The following CRYL1 variants were observed in gnomAD, a reference collection of about 807,000 sequenced individuals.
CRYL1 encodes the protein lambda-crystallin homolog.
In CRYL1, 29 loss-of-function variants were observed where a neutral mutation model predicts 36.6. The observed-to-expected ratio is 0.79, with a 90% CI of 0.59 to 1.08. The LOEUF (loss-of-function observed/expected upper bound fraction) is 1.08. Among genes scored for constraint, CRYL1 ranks in the 50% least tolerant of loss-of-function variants. The probability of loss-of-function intolerance (pLI) is 0.00; values close to 1 mark genes in which losing one functional copy is unlikely to be tolerated. For missense variants in CRYL1, 411 were observed against 407.9 expected (o/e 1.01, Z -0.06); for synonymous variants, 152 against 151.5 (o/e 1.00, Z -0.02).
At position 20,415,465 on chromosome 13, in the gene CRYL1, G is replaced by A. The variant is rs961522905; in HGVS notation, c.634-2078C>T. ...CCGCCCTGCGTCTGCAGAGAGCGCGGCGGTGAAGCGGGAGCAGGCGGCCTG... is the reference window on the plus strand; with the variant it reads ...CCGCCCTGCGTCTGCAGAGAGCGCGACGGTGAAGCGGGAGCAGGCGGCCTG... On this transcript the variant is annotated intron_variant, in intron 5 of 7. Transcript: ENST00000298248. This position sits in a 1 kb window ranked among gnomAD's most constrained non-coding sequence, Gnocchi z 4.1. Among the ~76,000 whole-genome samples the A allele has an allele frequency of 2.6e-5, 4 of 152,206 alleles. No individual in the cohort carries two copies. Among genetic ancestry groups the A allele is most frequent in the Non-Finnish European group, 5.9e-5 (4 of 68,022 alleles).
At chr13:20,494,624 T>C (rs1360137884) in intron 2 of CRYL1, among the ~76,000 whole-genome samples, 3 of 152,226 alleles carry the variant, frequency 2.0e-5, no homozygotes, top group Non-Finnish European at 2.9e-5. Flanking sequence ...CTGTGCGTCT[T>C]CAAACCTTTC....
intron 5 of CRYL1, among the ~76,000 whole-genome samples, chr13:20,423,411 A>C (rs957324353): frequency 6.6e-6 from 1 of 152,162 alleles, no homozygotes; most frequent in Non-Finnish European, 1.5e-5. Context: ...GTCACGTATG[A>C]CCTTTATCGT....
intron 3 of CRYL1, among the ~76,000 whole-genome samples, chr13:20,460,738 A>C (rs552769143): frequency 6.6e-6 from 1 of 151,774 alleles, no homozygotes; most frequent in African/African-American, 2.4e-5. Flanking sequence ...TGTTAGCCAG[A>C]ATGGTCTCGA....
chr13:20,404,231 C>A lies in CRYL1; in HGVS notation c.858G>T (p.Met286Ile). ...AGTGCTCCGGGTCATCAGGGACCTT[C>A]ATGCACATGTCCTGCAAGAAGGAGA... ...TAEKVNQDMCMKVPDDPEHLA... is the reference protein window; with the variant it reads ...TAEKVNQDMCIKVPDDPEHLA... The change falls in exon 8 of 8, where the codon ATG (methionine) becomes ATT (isoleucine). Residue 286 changes from methionine (M) to isoleucine (I), a missense_variant. Transcript: ENST00000298248. The A allele has an allele frequency of 6.2e-7, 1 of 1,609,098 alleles. No homozygotes were observed. Among genetic ancestry groups the A allele is most frequent in the Non-Finnish European group, 8.5e-7 (1 of 1,175,644 alleles).
chr13:20,414,409 A>G (rs1323880034), intron 5 of CRYL1, among the ~76,000 whole-genome samples: 1 of 151,972 alleles, frequency 6.6e-6, no homozygotes, highest in Non-Finnish European at 1.5e-5. Context: ...AGGGAGTGAG[A>G]GAAGCTGACG....
At chr13:20,498,121 T>C (rs2033644569) in intron 2 of CRYL1, among the ~76,000 whole-genome samples, 1 of 148,260 alleles carries the variant, frequency 6.7e-6, no homozygotes, top group South Asian at 2.1e-4. Flanking sequence ...ACACACCCCA[T>C]ATACACAGTA....
At chr13:20,469,908 A>G (rs968519583) in intron 3 of CRYL1, among the ~76,000 whole-genome samples, 4 of 152,182 alleles carry the variant, frequency 2.6e-5, no homozygotes, top group African/African-American at 4.8e-5. Context: ...ATTATACCAA[A>G]TGGAATCTAA....
intron 3 of CRYL1, among the ~76,000 whole-genome samples, chr13:20,467,062 C>T (rs1331283132): frequency 6.6e-6 from 1 of 151,806 alleles, no homozygotes; most frequent in Non-Finnish European, 1.5e-5. Context: ...ATTCTCCTGC[C>T]TCAGCCTCCT....
intron 1 of CRYL1, among the ~76,000 whole-genome samples, chr13:20,517,347 C>T (rs546397164): frequency 2.0e-5 from 3 of 150,940 alleles, no homozygotes; most frequent in Non-Finnish European, 3.0e-5. Flanking sequence ...ACACCTGTAA[C>T]CCTTTGGGAG....
chr13:20,410,630 AAAC>A (rs1302590020), intron 6 of CRYL1, among the ~76,000 whole-genome samples: 2 of 152,236 alleles, frequency 1.3e-5, no homozygotes, highest in African/African-American at 4.8e-5. Flanking sequence ...ACCAAAAATA[AAAC>A]AACAACGAAA....
intron 4 of CRYL1, among the ~76,000 whole-genome samples, chr13:20,436,187 T>C (rs1322703171): frequency 6.6e-6 from 1 of 151,136 alleles, no homozygotes. Context: ...CACGCCCCAG[T>C]CTGCCAGCCG....
intron 2 of CRYL1, among the ~76,000 whole-genome samples, chr13:20,504,063 A>G (rs1393462571): frequency 6.6e-6 from 1 of 152,178 alleles, no homozygotes; most frequent in East Asian, 1.9e-4. Flanking sequence ...TGGCGATTTC[A>G]GATAGGGACT....
intron 3 of CRYL1, among the ~76,000 whole-genome samples, chr13:20,465,317 G>C (rs575359067): frequency 6.6e-6 from 1 of 152,248 alleles, no homozygotes; most frequent in East Asian, 1.9e-4. Context: ...CCCACTCCCT[G>C]CTGAGTGACT....
rs2032182823 is a variant in CRYL1, at chr13:20,435,240, A to G, written c.439-2944T>C. On this transcript the variant is annotated intron_variant, in intron 4 of 7. Coordinates refer to ENST00000298248, the MANE Select transcript of CRYL1 (RefSeq NM_015974.3). The surrounding 1 kb of genome is among the most constrained non-coding windows in gnomAD (Gnocchi z 4.0). ...TTGTTATGTATATTTTACCACAATT[A>G]TACATTTTAAAAGTAAAAAACAGGA... Among the ~76,000 whole-genome samples, 1 of 152,188 alleles carries G rather than the reference A, an allele frequency of 6.6e-6. No homozygotes were observed. The highest frequency in any genetic ancestry group is 1.9e-4 in the East Asian group (1 of 5,196).
intron 2 of CRYL1, among the ~76,000 whole-genome samples, chr13:20,500,983 C>T (rs914115730): frequency 1.2e-4 from 18 of 152,252 alleles, no homozygotes; most frequent in African/African-American, 4.3e-4. Flanking sequence ...GACTCCAGGC[C>T]CCTCATTCAC....
intron 5 of CRYL1, chr13:20,431,859 G>A (rs1360582270): frequency 2.7e-6 from 4 of 1,454,874 alleles, no homozygotes; most frequent in Non-Finnish European, 2.7e-6. Context: ...CTGTCATCGT[G>A]TCCTGGTATC....
intron 6 of CRYL1, among the ~76,000 whole-genome samples, chr13:20,412,001 C>T (rs1273148366): frequency 2.2e-4 from 34 of 152,284 alleles, no homozygotes; most frequent in Admixed American, 2.0e-3. Flanking sequence ...AAATGTAATA[C>T]TGAAATTATA....
chr13:20,454,162 T>C (rs1405032486), intron 3 of CRYL1, among the ~76,000 whole-genome samples: 2 of 151,874 alleles, frequency 1.3e-5, no homozygotes, highest in Non-Finnish European at 2.9e-5. Flanking sequence ...CACCGTAATA[T>C]CAAAATATTA....
Position 20,472,006 on chromosome 13 carries a change from G to A in CRYL1, c.276+17364C>T, listed in dbSNP as rs548931152. Among the ~76,000 whole-genome samples the A allele has an allele frequency of 3.9e-5, 6 of 151,996 alleles. No individual in the cohort carries two copies. In the South Asian group the frequency reaches 6.3e-4, roughly 16 times the overall value. ...CTCCTGAGTAGCTGGGATTACAGGC[G>A]CCCACCAACATGCAAGGCTAATTTT... On this transcript the variant is annotated intron_variant, in intron 3 of 7. Coordinates refer to ENST00000298248, the MANE Select transcript of CRYL1 (RefSeq NM_015974.3).
Sources: gnomAD v4.1 joint callset for allele counts (sites outside exome capture counted in the v4.1 genomes callset) on GRCh38, gnomAD v4.1.1 for gene constraint, Gnocchi (gnomAD v3.1) non-coding constraint, MANE v1.5 for transcripts, NCBI Gene and HGNC (gene_info 2026-07-23, HGNC 2026-07-21) for gene names.